RGMA: variants seen among roughly 807,000 people sequenced by gnomAD.
The protein encoded by RGMA is repulsive guidance molecule BMP co-receptor a.
Under a neutral mutation model 23.2 loss-of-function variants are expected in RGMA, and 10 were observed. That is an observed-to-expected ratio of 0.43 (90% confidence interval 0.27 to 0.73). The LOEUF (loss-of-function observed/expected upper bound fraction) is 0.73, where lower values mean the gene tolerates loss of function less well. RGMA is among the 30% of genes least tolerant of loss of function. The pLI is 0.20. For missense variants in RGMA, 547 were observed against 630.5 expected (o/e 0.87, Z 1.42); for synonymous variants, 308 against 279.3 (o/e 1.10, Z -1.03).
At chr15:93,072,149 G>A (rs917603025) in intron 2 of RGMA, among the ~76,000 whole-genome samples, 1 of 152,036 alleles carries the variant, frequency 6.6e-6, no homozygotes, top group Non-Finnish European at 1.5e-5. Flanking sequence ...GGAGCGTTTG[G>A]GAAGGAACAA....
intron 1 of RGMA, chr15:93,073,294 AGGTAGCCGGAGGCGGCCGGGC>A (rs1413973208): frequency 1.4e-6 from 1 of 726,320 alleles, no homozygotes; most frequent in African/African-American, 1.9e-5. Flanking sequence ...GAGGCCGGCG[AGGTAGCCGGAGGCGGCCGGGC>A]GGGGACCCAG....
In RGMA at chr15:93,042,716, G is replaced by C. The variant is rs1483195101; in HGVS notation, c.*2282C>G. On this transcript the variant is annotated 3_prime_UTR_variant, in exon 4 of 4. Coordinates refer to ENST00000329082, the MANE Select transcript of RGMA (RefSeq NM_020211.3). Reference sequence around the variant, plus strand: ...TCTGTTTCATCGGCAAAATGGGCCTGAATTTCTTCCTGATTCACTGGGTAG... The same window carrying C: ...TCTGTTTCATCGGCAAAATGGGCCTCAATTTCTTCCTGATTCACTGGGTAG... 6.6e-6 allele frequency: 1 copy of C among 152,292 alleles called. No homozygotes were observed. The highest frequency in any genetic ancestry group is 2.4e-5 in the African/African-American group (1 of 41,462). The allele number at this position is 152,292 out of a possible 1,614,324, so 9.4% of individuals were successfully genotyped here. A position where few individuals can be genotyped will look rare whatever the true frequency, so the allele number is the denominator to read the frequency against.
intron 2 of RGMA, among the ~76,000 whole-genome samples, chr15:93,061,695 G>A (rs563324700): frequency 4.6e-5 from 7 of 152,350 alleles, no homozygotes; most frequent in African/African-American, 1.4e-4. Context: ...GAATCAGAAA[G>A]ATAGGGGAGG....
At chr15:93,087,477 A>AAAAAC (rs1555451825) in intron 1 of RGMA, among the ~76,000 whole-genome samples, 3 of 150,224 alleles carry the variant, frequency 2.0e-5, no homozygotes, top group African/African-American at 7.4e-5. Flanking sequence ...AAAAAAAAAA[A>AAAAAC]AAAAAAACCA....
At chr15:93,084,084 C>G (rs1039072472) in intron 1 of RGMA, among the ~76,000 whole-genome samples, 1 of 152,192 alleles carries the variant, frequency 6.6e-6, no homozygotes, top group African/African-American at 2.4e-5. Flanking sequence ...TGAGGAAACC[C>G]TGTAACTTTT....
chr15:93,040,757 T>C lies in RGMA; in HGVS notation c.*4241A>G, dbSNP rs1208728809. The stretch of plus-strand genomic sequence containing the variant: ...TAGCCCCTCACACCCCCCTGAACAA[T>C]GCTGGGTAGACACCCAATAGAGTTA... On this transcript the variant is annotated 3_prime_UTR_variant, in exon 4 of 4. Transcript: ENST00000329082. The C allele has an allele frequency of 6.6e-6, 1 of 152,150 alleles. No individual in the cohort carries two copies. Among genetic ancestry groups the C allele is most frequent in the African/African-American group, 2.4e-5 (1 of 41,398 alleles). 9.4% of individuals were successfully genotyped at this position (152,150 alleles called of 1,614,324 possible). A position where few individuals can be genotyped will look rare whatever the true frequency, so the allele number is the denominator to read the frequency against.
rs2054738483 is a variant in RGMA at position 93,042,581 on chromosome 15, C to T, written c.*2417G>A. ...TGGCTTAACTGTGCTGCTATTCTGC[C>T]TCATGGCATTTAGTTTGAAGAGAAG... On this transcript the variant is annotated 3_prime_UTR_variant, in exon 4 of 4. Transcript: ENST00000329082. 1 of 152,340 alleles carries T rather than the reference C, an allele frequency of 6.6e-6. No individual in the cohort carries two copies. Among genetic ancestry groups the T allele is most frequent in the South Asian group, 2.1e-4 (1 of 4,838 alleles). 9.4% of individuals were successfully genotyped at this position (152,340 alleles called of 1,614,324 possible).
chr15:93,067,494 G>A (rs1895195588), intron 2 of RGMA, among the ~76,000 whole-genome samples: 1 of 152,184 alleles, frequency 6.6e-6, no homozygotes, highest in African/African-American at 2.4e-5. Context: ...TAAGGCCCAT[G>A]AGGCACCAAG....
At chr15:93,069,335 C>CCTGGCCT (rs1442106297) in intron 2 of RGMA, among the ~76,000 whole-genome samples, 1 of 152,180 alleles carries the variant, frequency 6.6e-6, no homozygotes. Context: ...GTCTCGAACT[C>CCTGGCCT]CTGGCCTCAA....
At chr15:93,085,883 A>T (rs1895627395) in intron 1 of RGMA, among the ~76,000 whole-genome samples, 1 of 152,194 alleles carries the variant, frequency 6.6e-6, no homozygotes, top group South Asian at 2.1e-4. Context: ...TCATTTGTTC[A>T]TCTGTCACCA....
At chr15:93,058,598 A>G (rs1481054326) in intron 2 of RGMA, among the ~76,000 whole-genome samples, 2 of 152,204 alleles carry the variant, frequency 1.3e-5, no homozygotes, top group African/African-American at 4.8e-5. Context: ...AGCCCTTAAT[A>G]TAGACCCAGG....
intron 1 of RGMA, among the ~76,000 whole-genome samples, chr15:93,081,825 T>TGGGA (rs1485108159): frequency 6.6e-6 from 1 of 152,318 alleles, no homozygotes; most frequent in Middle Eastern, 3.4e-3. Flanking sequence ...CCCCAGCTGA[T>TGGGA]GGGAGGTGGG....
intron 2 of RGMA, among the ~76,000 whole-genome samples, chr15:93,062,564 T>C (rs977096022): frequency 1.3e-5 from 2 of 152,144 alleles, no homozygotes; most frequent in African/African-American, 2.4e-5. Context: ...CTGTGCCCAT[T>C]AGGAAGCAAA....
chr15:93,086,765 G>T (rs945385256), intron 1 of RGMA, among the ~76,000 whole-genome samples: 2 of 152,196 alleles, frequency 1.3e-5, no homozygotes, highest in Admixed American at 1.3e-4. Flanking sequence ...TTCTCACAGG[G>T]CTGCTGAAGA....
At chr15:93,073,210 G>C (rs1287475415) in intron 1 of RGMA, 179 bp from the exon 2 acceptor site, 34 of 1,178,926 alleles carry the variant, frequency 2.9e-5, no homozygotes, top group Middle Eastern at 6.8e-4. Flanking sequence ...TCCATCACTC[G>C]GTTCTCCGCC....
At chr15:93,072,858 C>T (rs1205997738) in intron 2 of RGMA, 58 bp downstream of exon 2, 10 of 1,551,942 alleles carry the variant, frequency 6.4e-6, no homozygotes, top group South Asian at 3.6e-5. Flanking sequence ...ACATCTGGCC[C>T]AGCATTGAGG....
At chr15:93,048,330 G>A (rs2054861012) in intron 3 of RGMA, among the ~76,000 whole-genome samples, 2 of 152,138 alleles carry the variant, frequency 1.3e-5, no homozygotes, top group African/African-American at 2.4e-5. Context: ...AGGCAAGGCT[G>A]GGAGGAGCTG....
intron 1 of RGMA, chr15:93,074,162 C>G: frequency 2.4e-6 from 1 of 418,746 alleles, no homozygotes; most frequent in Non-Finnish European, 3.5e-6. Flanking sequence ...CTTAGTCAAA[C>G]CAACTCCTCC....
At chr15:93,061,062 G>A (rs1894944022) in intron 2 of RGMA, among the ~76,000 whole-genome samples, 1 of 152,242 alleles carries the variant, frequency 6.6e-6, no homozygotes, top group South Asian at 2.1e-4. Context: ...GGTGGCCGCT[G>A]AGCGGCCTCT....
Sources: allele counts gnomAD v4.1 joint callset (sites outside exome capture counted in the v4.1 genomes callset), GRCh38; gene constraint gnomAD v4.1.1; transcripts MANE v1.5; gene names NCBI Gene and HGNC (gene_info 2026-07-23, HGNC 2026-07-21).